TTC29: variants seen among roughly 807,000 people sequenced by gnomAD.
The protein encoded by TTC29 is tetratricopeptide repeat protein 29.
A neutral mutation model predicts 58.1 loss-of-function variants in TTC29; 49 were observed. The ratio of observed to expected loss-of-function variants is 0.84; its 90% confidence interval spans 0.67 to 1.07. TTC29 has a LOEUF of 1.07. TTC29 is among the 50% of genes least tolerant of loss of function. The pLI is 0.00. For missense variants in TTC29, 582 were observed against 555.6 expected, an observed-to-expected ratio of 1.05 and a Z score of -0.48; for synonymous variants, 209 against 196.8, an observed-to-expected ratio of 1.06 and a Z score of -0.52.
chr4:146,798,258 C>T (rs978276099), intron 11 of TTC29, among the ~76,000 whole-genome samples: 1 of 151,796 alleles, frequency 6.6e-6, no homozygotes, highest in South Asian at 2.1e-4. Flanking sequence ...AAATCAGGAG[C>T]CCCAGGAACA....
intron 4 of TTC29, among the ~76,000 whole-genome samples, chr4:146,926,836 T>C (rs1472841317): frequency 1.3e-5 from 2 of 152,172 alleles, no homozygotes; most frequent in African/African-American, 4.8e-5. Flanking sequence ...TGTTATTTTA[T>C]GTAAGTCAGA....
At chr4:146,920,842 G>A (rs1734532031) in intron 4 of TTC29, among the ~76,000 whole-genome samples, 1 of 151,014 alleles carries the variant, frequency 6.6e-6, no homozygotes, top group Admixed American at 6.6e-5. Flanking sequence ...TATATGTCTT[G>A]GGTGAGAAAT....
chr4:146,728,847 GTA>G (rs1171652345), intron 11 of TTC29, among the ~76,000 whole-genome samples: 2 of 68,598 alleles, frequency 2.9e-5, no homozygotes, highest in African/African-American at 4.7e-5. Flanking sequence ...ACATATATAT[GTA>G]TATATATACA....
At chr4:146,847,959 C>T (rs765336595) in intron 8 of TTC29, among the ~76,000 whole-genome samples, 4 of 152,176 alleles carry the variant, frequency 2.6e-5, no homozygotes, top group African/African-American at 9.7e-5. Context: ...ACAGGTACTG[C>T]GTTTAACAGT....
chr4:146,930,737 C>T (rs1735277350), intron 4 of TTC29, among the ~76,000 whole-genome samples: 1 of 152,148 alleles, frequency 6.6e-6, no homozygotes, highest in Non-Finnish European at 1.5e-5. Context: ...CATAATAAAA[C>T]CATCTTGCCC....
chr4:146,736,627 C>T (rs529068188), intron 11 of TTC29, among the ~76,000 whole-genome samples: 1 of 152,244 alleles, frequency 6.6e-6, no homozygotes, highest in South Asian at 2.1e-4. Flanking sequence ...ACTACTGAGA[C>T]TCTGAACTAG....
Position 146,812,353 on chromosome 4 carries a change from C to G in TTC29, c.1101+7772G>C, listed in dbSNP as rs1262423619. On this transcript the variant is annotated intron_variant, in intron 10 of 12. Transcript: ENST00000325106. ...AAATTAGAGACCACAAATAAGTGGA[C>G]ATAGATATGAATTTCCAGTTATTTT... is the stretch of plus-strand genomic sequence containing the variant. Among the ~76,000 whole-genome samples, 7 of 152,164 alleles carry G rather than the reference C, an allele frequency of 4.6e-5. No homozygotes were observed. In the East Asian group the frequency reaches 1.3e-3, roughly 29 times the overall value.
intron 11 of TTC29, among the ~76,000 whole-genome samples, chr4:146,744,339 C>A (rs1036704343): frequency 2.0e-5 from 3 of 151,428 alleles, no homozygotes; most frequent in Non-Finnish European, 2.9e-5. Context: ...CCAGATCAGC[C>A]TGGGCAACAC....
intron 4 of TTC29, among the ~76,000 whole-genome samples, chr4:146,923,598 C>T (rs1007208072): frequency 2.6e-5 from 4 of 151,792 alleles, no homozygotes; most frequent in Admixed American, 6.6e-5. Flanking sequence ...GAATAGTCTT[C>T]ACTGAAGCCA....
intron 11 of TTC29, among the ~76,000 whole-genome samples, chr4:146,781,752 A>G (rs1289130338): frequency 2.0e-5 from 3 of 151,960 alleles, no homozygotes; most frequent in Non-Finnish European, 4.4e-5. Flanking sequence ...ATGAAATTTT[A>G]TCACAGTAGT....
Position 146,778,944 on chromosome 4 carries a change from G to T in TTC29, c.1330+24513C>A, listed in dbSNP as rs182321322. 1.8e-4 allele frequency among the ~76,000 whole-genome samples: 20 copies of T among 109,582 alleles called. No individual in the cohort carries two copies. In the East Asian group the frequency reaches 6.4e-3, roughly 35 times the overall value. The allele number at this position is 109,582 out of a possible 152,430, so 71.9% of individuals were successfully genotyped here. On this transcript the variant is annotated intron_variant, in intron 11 of 12. Transcript: ENST00000325106. Reference sequence around the variant, plus strand: ...CTTTACTGCTACCCAATATATCCATGTAACACAACTGCACTTGTACTCCTA... The same window carrying T: ...CTTTACTGCTACCCAATATATCCATTTAACACAACTGCACTTGTACTCCTA...
intron 11 of TTC29, among the ~76,000 whole-genome samples, chr4:146,747,625 G>A (rs181344010): frequency 3.5e-4 from 54 of 152,274 alleles, no homozygotes; most frequent in Non-Finnish European, 7.2e-4. Context: ...TGGAGCAGTT[G>A]TGCCCCCAAT....
At chr4:146,756,455 T>C (rs1240871084) in intron 11 of TTC29, among the ~76,000 whole-genome samples, 1 of 151,960 alleles carries the variant, frequency 6.6e-6, no homozygotes, top group African/African-American at 2.4e-5. Flanking sequence ...GTATAAGAAA[T>C]ATTTTGTGAA....
chr4:146,791,978 A>C (rs907886467), intron 11 of TTC29, among the ~76,000 whole-genome samples: 1 of 152,214 alleles, frequency 6.6e-6, no homozygotes, highest in African/African-American at 2.4e-5. Context: ...GCTTCAGAAG[A>C]AAAGTTTGAA....
intron 11 of TTC29, among the ~76,000 whole-genome samples, chr4:146,737,559 A>T (rs1271571926): frequency 1.5e-5 from 2 of 129,588 alleles, no homozygotes; most frequent in Non-Finnish European, 3.2e-5. Flanking sequence ...CCCTGAACGC[A>T]TCTGGCAAGT....
chr4:146,918,972 C>T (rs1054497413), intron 4 of TTC29, among the ~76,000 whole-genome samples: 1 of 151,056 alleles, frequency 6.6e-6, no homozygotes, highest in Non-Finnish European at 1.5e-5. Flanking sequence ...TTAATGAAAA[C>T]TTCTCTAGTA....
chr4:146,798,103 C>T (rs1749951501), intron 11 of TTC29, among the ~76,000 whole-genome samples: 1 of 151,940 alleles, frequency 6.6e-6, no homozygotes, highest in South Asian at 2.1e-4. Context: ...ACATTTTATT[C>T]CATGACTCTT....
Position 146,741,926 on chromosome 4 carries a change from C to A in TTC29, c.1331-34375G>T, listed in dbSNP as rs72731880. Among the ~76,000 whole-genome samples, 417 of 152,290 alleles carry A rather than the reference C, an allele frequency of 2.7e-3. 1 individual carries two copies. Among genetic ancestry groups the A allele is most frequent in the Non-Finnish European group, 4.4e-3 (297 of 68,034 alleles). On this transcript the variant is annotated intron_variant, in intron 11 of 12. Coordinates refer to ENST00000325106, the MANE Select transcript of TTC29 (RefSeq NM_031956.4). ...TTAGAACTTATCAGATTCTACTAGC[C>A]CTTCAGCCAAGGAACTTTATCACAA...
At chr4:146,875,857 T>G (rs66636698) in intron 6 of TTC29, among the ~76,000 whole-genome samples, 1 of 152,196 alleles carries the variant, frequency 6.6e-6, no homozygotes, top group Admixed American at 6.5e-5. Flanking sequence ...CCTTAAAATA[T>G]GAGCAAACAT....
Sources: allele counts gnomAD v4.1 joint callset (sites outside exome capture counted in the v4.1 genomes callset), GRCh38; gene constraint gnomAD v4.1.1; transcripts MANE v1.5; gene names NCBI Gene and HGNC (gene_info 2026-07-23, HGNC 2026-07-21).